SCGB2B2: variants seen among roughly 807,000 people sequenced by gnomAD.
The protein encoded by SCGB2B2 is secretoglobin-like protein.
SCGB2B2 carries 11 observed loss-of-function variants against 7.6 expected under a neutral mutation model. The ratio of observed to expected loss-of-function variants is 1.45; its 90% CI spans 0.91 to 2.40. The LOEUF (loss-of-function observed/expected upper bound fraction) is 2.40, where lower values mean the gene tolerates loss of function less well. Ranked by LOEUF, SCGB2B2 falls within the 30% of genes most tolerant of loss-of-function variation. The pLI is 0.00. For missense variants in SCGB2B2, 104 were observed against 115.4 expected, an observed-to-expected ratio of 0.90 and a Z score of 0.45; for synonymous variants, 50 against 48.6, an observed-to-expected ratio of 1.03 and a Z score of -0.12.
downstream of SCGB2B2, among the ~76,000 whole-genome samples, chr19:34,586,685 C>A (rs535239533): frequency 1.3e-3 from 203 of 152,234 alleles, 1 homozygote; most frequent in African/African-American, 4.7e-3. Flanking sequence ...GACAGCTGTG[C>A]CTTCTGCAGG....
rs558747086 is a variant in SCGB2B2 at position 34,675,152 on chromosome 19, C to T, written c.-2032+478G>A. Among the ~76,000 whole-genome samples the T allele has an allele frequency of 5.3e-5, 8 of 152,278 alleles. No homozygotes were observed. The South Asian group carries it at 1.7e-3, about 32-fold the overall frequency. On this transcript the variant is annotated intron_variant, in intron 1 of 3. Coordinates refer to ENST00000601241, the MANE Select transcript of SCGB2B2 (RefSeq NM_001025591.4). Reference sequence around the variant, plus strand: ...AGATTATTAAACTTTTAAAGTTTCACAAAGAGAGTGTTGGCAGTAAGAGTT... The same window carrying T: ...AGATTATTAAACTTTTAAAGTTTCATAAAGAGAGTGTTGGCAGTAAGAGTT...
chr19:34,621,275 C>G (rs1373169789), intron 1 of SCGB2B2, among the ~76,000 whole-genome samples: 1 of 152,042 alleles, frequency 6.6e-6, no homozygotes, highest in Non-Finnish European at 1.5e-5. Flanking sequence ...GATTATTGGC[C>G]TCAGGGTGGA....
chr19:34,624,129 C>T (rs2145910713), intron 1 of SCGB2B2, among the ~76,000 whole-genome samples: 1 of 152,268 alleles, frequency 6.6e-6, no homozygotes, highest in Non-Finnish European at 1.5e-5. Flanking sequence ...AACTGTGACT[C>T]CAAATTCTTT....
intron 1 of SCGB2B2, among the ~76,000 whole-genome samples, chr19:34,627,110 A>G (rs1484631397): frequency 6.6e-6 from 1 of 152,258 alleles, no homozygotes; most frequent in South Asian, 2.1e-4. Flanking sequence ...TGAAGGAAGC[A>G]CTAAACATGG....
chr19:34,628,022 C>T (rs958814890), intron 1 of SCGB2B2, among the ~76,000 whole-genome samples: 2 of 152,132 alleles, frequency 1.3e-5, no homozygotes, highest in African/African-American at 2.4e-5. Context: ...TGAATGACTA[C>T]TGGGTACATA....
At chr19:34,664,767 C>T (rs910293419) in intron 1 of SCGB2B2, among the ~76,000 whole-genome samples, 1 of 152,192 alleles carries the variant, frequency 6.6e-6, no homozygotes, top group Non-Finnish European at 1.5e-5. Context: ...CCTCCCTTTC[C>T]CTGGCTCAGC....
chr19:34,653,546 C>T (rs1568441145), intron 1 of SCGB2B2, among the ~76,000 whole-genome samples: 1 of 150,954 alleles, frequency 6.6e-6, no homozygotes, highest in Non-Finnish European at 1.5e-5. Flanking sequence ...AAGCTACAGT[C>T]TAATATCCAC....
intron 1 of SCGB2B2, among the ~76,000 whole-genome samples, chr19:34,624,312 C>A (rs897411952): frequency 6.6e-6 from 1 of 152,130 alleles, no homozygotes; most frequent in African/African-American, 2.4e-5. Context: ...TTGAAATATC[C>A]TCCTATAGAG....
At chr19:34,672,889 C>T in intron 1 of SCGB2B2, among the ~76,000 whole-genome samples, 1 of 152,110 alleles carries the variant, frequency 6.6e-6, no homozygotes, top group East Asian at 1.9e-4. Context: ...AGAACTCCAG[C>T]CTCATAACTT....
chr19:34,610,478 A>T (rs1165386668), intron 1 of SCGB2B2, among the ~76,000 whole-genome samples: 1 of 152,072 alleles, frequency 6.6e-6, no homozygotes, highest in East Asian at 1.9e-4. Flanking sequence ...GTTGGGGTAC[A>T]TTCTTTCTAT....
chr19:34,644,477 C>A (rs1176065512), intron 1 of SCGB2B2, among the ~76,000 whole-genome samples: 1 of 151,738 alleles, frequency 6.6e-6, no homozygotes, highest in Admixed American at 6.6e-5. Context: ...ACCATCACCA[C>A]TATCGATGTC....
chr19:34,633,572 C>T (rs547821621), intron 1 of SCGB2B2, among the ~76,000 whole-genome samples: 1 of 152,064 alleles, frequency 6.6e-6, no homozygotes, highest in South Asian at 2.1e-4. Context: ...AATAAGTCTA[C>T]AGCAAAAGAC....
At chr19:34,669,714 T>TACACACAC (rs1555750462) in intron 1 of SCGB2B2, among the ~76,000 whole-genome samples, 35 of 139,578 alleles carry the variant, frequency 2.5e-4, no homozygotes, top group East Asian at 1.2e-3. Flanking sequence ...TGCCCCCACT[T>TACACACAC]ACACACACAC....
downstream of SCGB2B2, among the ~76,000 whole-genome samples, chr19:34,588,167 T>C (rs1470004837): frequency 1.3e-5 from 2 of 152,246 alleles, no homozygotes; most frequent in Non-Finnish European, 2.9e-5. Context: ...GAATTTTCTT[T>C]GATAGGAGAC....
intron 1 of SCGB2B2, among the ~76,000 whole-genome samples, chr19:34,653,221 A>C (rs2198904): frequency 0.4 from 60,916 of 150,670 alleles, 13,803 homozygotes; most frequent in Middle Eastern, 0.6. Flanking sequence ...GGGAGGTGGG[A>C]CTATAGCCAA....
At chr19:34,615,919 A>T (rs976958949) in intron 1 of SCGB2B2, among the ~76,000 whole-genome samples, 1 of 147,688 alleles carries the variant, frequency 6.8e-6, no homozygotes, top group African/African-American at 2.5e-5. Flanking sequence ...ATTCCCACCT[A>T]TGAGTGAGAA....
intron 1 of SCGB2B2, among the ~76,000 whole-genome samples, chr19:34,607,124 G>A (rs900164162): frequency 2.6e-5 from 4 of 152,210 alleles, no homozygotes; most frequent in African/African-American, 7.2e-5. Flanking sequence ...ATTCTACATA[G>A]AAGTGAGGTC....
intron 1 of SCGB2B2, among the ~76,000 whole-genome samples, chr19:34,621,336 A>G (rs1458414568): frequency 2.0e-5 from 3 of 152,178 alleles, no homozygotes; most frequent in African/African-American, 7.2e-5. Context: ...GGCCTAATAA[A>G]CAGGCATACC....
intron 1 of SCGB2B2, among the ~76,000 whole-genome samples, chr19:34,614,248 T>C (rs2066009225): frequency 6.6e-6 from 1 of 152,152 alleles, no homozygotes; most frequent in Non-Finnish European, 1.5e-5. Flanking sequence ...TTCCAACATT[T>C]ATTCACCTAG....
Sources: gnomAD v4.1 joint callset for allele counts (sites outside exome capture counted in the v4.1 genomes callset) on GRCh38, gnomAD v4.1.1 for gene constraint, MANE v1.5 for transcripts, NCBI Gene and HGNC (gene_info 2026-07-23, HGNC 2026-07-21) for gene names.